Variants in FOXP2 observed in about 807,000 individuals in gnomAD.
FOXP2 encodes the protein forkhead box protein P2.
In FOXP2, 12 loss-of-function variants were observed where a neutral mutation model predicts 115.8. The ratio of observed to expected loss-of-function variants is 0.10; its 90% CI spans 0.07 to 0.17. The LOEUF is 0.17. FOXP2 is among the 10% of genes least tolerant of loss of function. The pLI, the probability that FOXP2 is intolerant of heterozygous loss-of-function variation, is 1.00. For synonymous variants in FOXP2, 328 were observed against 297.7 expected (o/e 1.10, Z -1.05); for missense variants, 629 against 843.5 (o/e 0.75, Z 3.15).
intron 2 of FOXP2, among the ~76,000 whole-genome samples, chr7:114,362,480 T>C (rs2245192): frequency 0.2 from 30,636 of 151,986 alleles, 4,403 homozygotes; most frequent in East Asian, 0.78. Context: ...TGAGACAGAA[T>C]GCCATGCTAA....
At chr7:114,482,354 C>A (rs1013670247) in intron 2 of FOXP2, among the ~76,000 whole-genome samples, 1 of 151,418 alleles carries the variant, frequency 6.6e-6, no homozygotes, top group South Asian at 2.1e-4. Flanking sequence ...TCTTTGTTTT[C>A]TTTTTAAATT....
chr7:114,403,195 A>C (rs1792934813), intron 2 of FOXP2, among the ~76,000 whole-genome samples: 1 of 152,196 alleles, frequency 6.6e-6, no homozygotes, highest in African/African-American at 2.4e-5. Context: ...AACTTCATTG[A>C]AATACATGCA....
chr7:114,467,891 T>A (rs1433114354), intron 2 of FOXP2, among the ~76,000 whole-genome samples: 1 of 152,264 alleles, frequency 6.6e-6, no homozygotes, highest in East Asian at 1.9e-4. Flanking sequence ...AACCTTTCCA[T>A]CACCTGGTAT....
intron 1 of FOXP2, among the ~76,000 whole-genome samples, chr7:114,176,211 C>T (rs1292466284): frequency 6.6e-6 from 1 of 151,216 alleles, no homozygotes; most frequent in African/African-American, 2.4e-5. Flanking sequence ...CTTGTCTTGT[C>T]TTGTCTTGTC....
Position 114,435,401 on chromosome 7 carries a change from A to G in FOXP2, c.168+8722A>G, listed in dbSNP as rs528929376. On this transcript the variant is annotated intron_variant, in intron 2 of 16. Coordinates refer to ENST00000350908, the MANE Select transcript of FOXP2 (RefSeq NM_014491.4). ...AAAGACAGGAAGGTGTAAAAAGTGC[A>G]GAATATTGAGGACCATTCAGTGTTT... Among the ~76,000 whole-genome samples, 21 of 152,306 alleles carry G rather than the reference A, an allele frequency of 1.4e-4. No individual in the cohort carries two copies. The South Asian group carries it at 2.7e-3, about 20-fold the overall frequency.
intron 2 of FOXP2, among the ~76,000 whole-genome samples, chr7:114,512,001 A>G (rs1416828737): frequency 6.6e-6 from 1 of 152,156 alleles, no homozygotes; most frequent in East Asian, 1.9e-4. Flanking sequence ...TAATCATACT[A>G]TATGTCATTA....
chr7:114,388,713 T>C (rs1039472468), intron 2 of FOXP2, among the ~76,000 whole-genome samples: 1 of 152,240 alleles, frequency 6.6e-6, no homozygotes, highest in African/African-American at 2.4e-5. Context: ...GGACAATTAC[T>C]TGTTATTTTT....
intron 1 of FOXP2, among the ~76,000 whole-genome samples, chr7:114,265,181 AAGTTCCTTCCACCTATG>A (rs763776562): frequency 7.9e-5 from 12 of 152,164 alleles, no homozygotes; most frequent in Non-Finnish European, 1.5e-4. Flanking sequence ...GAGACAAGGC[AAGTTCCTTCCACCTATG>A]AGCCTATAAA....
intron 2 of FOXP2, among the ~76,000 whole-genome samples, chr7:114,403,567 A>G (rs978963555): frequency 2.0e-5 from 3 of 152,190 alleles, no homozygotes; most frequent in African/African-American, 4.8e-5. Flanking sequence ...ATTGCAGACT[A>G]TCTCAGGAGA....
intron 2 of FOXP2, among the ~76,000 whole-genome samples, chr7:114,435,333 A>G (rs969695338): frequency 6.6e-6 from 1 of 152,132 alleles, no homozygotes. Flanking sequence ...CAATCGGCAG[A>G]AAAAGGGTAG....
At position 114,570,343 on chromosome 7, in the gene FOXP2, T is replaced by C. The variant is rs186566017; in HGVS notation, c.258+35637T>C. Among the ~76,000 whole-genome samples the C allele has an allele frequency of 1.4e-3, 215 of 152,026 alleles. 1 individual carries two copies. The highest frequency in any genetic ancestry group is 9.7e-4 in the Non-Finnish European group (66 of 67,844). ...ATAAATTATTGTGATTGTTCTCACA[T>C]GACATGGTAGGACAGGATTTATGTT... On this transcript the variant is annotated intron_variant, in intron 3 of 16. Transcript: ENST00000350908.
intron 16 of FOXP2, among the ~76,000 whole-genome samples, chr7:114,682,315 TACCAC>T (rs1808127497): frequency 6.6e-6 from 1 of 152,146 alleles, no homozygotes; most frequent in African/African-American, 2.4e-5. Flanking sequence ...TATTACTTTA[TACCAC>T]ACTTAGAAGT....
intron 2 of FOXP2, among the ~76,000 whole-genome samples, chr7:114,362,179 C>G (rs919862906): frequency 2.0e-5 from 3 of 151,846 alleles, no homozygotes; most frequent in African/African-American, 7.3e-5. Flanking sequence ...GATTCATAAT[C>G]ATGAGAAAAG....
At chr7:114,609,678 T>G (rs7789986) in intron 3 of FOXP2, among the ~76,000 whole-genome samples, 17,343 of 152,170 alleles carry the variant, frequency 0.11, 1,086 homozygotes, top group Middle Eastern at 0.18. Context: ...TTCTTTAATG[T>G]GAACCTTTTT....
chr7:114,442,766 C>T (rs1027320615), intron 2 of FOXP2, among the ~76,000 whole-genome samples: 3 of 151,996 alleles, frequency 2.0e-5, no homozygotes, highest in Admixed American at 6.6e-5. Context: ...CCAGCCAAAG[C>T]GGGTGAATTT....
At chr7:114,267,070 C>T (rs548564094) in intron 1 of FOXP2, among the ~76,000 whole-genome samples, 1 of 152,232 alleles carries the variant, frequency 6.6e-6, no homozygotes, top group Admixed American at 6.5e-5. Flanking sequence ...TCAGAAAATG[C>T]TTTAGAGAAG....
intron 1 of FOXP2, 90 bp from the exon 2 acceptor site, chr7:114,426,412 C>G (rs1280325236): frequency 1.7e-6 from 2 of 1,202,932 alleles, no homozygotes; most frequent in East Asian, 4.8e-5. Flanking sequence ...TCTAAAGATG[C>G]TGTCTCTGTA....
chr7:114,122,766 A>G (rs1187649195), intron 1 of FOXP2, among the ~76,000 whole-genome samples: 1 of 152,022 alleles, frequency 6.6e-6, no homozygotes, highest in Non-Finnish European at 1.5e-5. Flanking sequence ...TAGATCTAAG[A>G]CCTTTTGTAT....
intron 1 of FOXP2, among the ~76,000 whole-genome samples, chr7:114,103,966 A>T: frequency 6.6e-6 from 1 of 151,900 alleles, no homozygotes; most frequent in South Asian, 2.1e-4. Context: ...TTTAAGGCTC[A>T]GAAGACATTC....
Sources: allele counts gnomAD v4.1 joint callset (sites outside exome capture counted in the v4.1 genomes callset), GRCh38; gene constraint gnomAD v4.1.1; transcripts MANE v1.5; gene names NCBI Gene and HGNC (gene_info 2026-07-23, HGNC 2026-07-21).